The following KYNU variants were observed in gnomAD, a reference collection of about 807,000 sequenced individuals.
The protein encoded by KYNU is L-kynurenine hydrolase.
KYNU carries 54 observed loss-of-function variants against 59.2 expected under a neutral mutation model. That is an observed-to-expected ratio of 0.91 (90% CI 0.73 to 1.14). KYNU has a LOEUF of 1.14. Among genes scored for constraint, KYNU ranks in the 50% most tolerant of loss-of-function variants. The pLI is 0.00. For synonymous variants in KYNU, 177 were observed against 192.0 expected (o/e 0.92, Z 0.65); for missense variants, 567 against 554.4 (o/e 1.02, Z -0.23).
intron 12 of KYNU, among the ~76,000 whole-genome samples, chr2:143,038,348 T>C (rs775672370): frequency 5.9e-5 from 9 of 152,176 alleles, no homozygotes; most frequent in Admixed American, 2.0e-4. Flanking sequence ...GCCCGTGCCT[T>C]GCCTGTCCCT....
intron 4 of KYNU, among the ~76,000 whole-genome samples, chr2:142,948,553 A>G (rs1683876361): frequency 6.6e-6 from 1 of 152,196 alleles, no homozygotes; most frequent in South Asian, 2.1e-4. Flanking sequence ...GTCACATCTT[A>G]TGTGGATGGC....
intron 8 of KYNU, among the ~76,000 whole-genome samples, chr2:142,964,100 C>T (rs574709339): frequency 6.7e-6 from 1 of 150,238 alleles, no homozygotes; most frequent in East Asian, 1.9e-4. Flanking sequence ...TCATGCAGTA[C>T]CTAGCAGTAC....
At position 143,052,266 on chromosome 2, in the gene KYNU, T is replaced by TA. The variant is rs1301427034; in HGVS notation, c.*10095dup. The stretch of plus-strand genomic sequence containing the variant: ...AAGGCATTCAGTTTTAAAAGGGAAA[T>TA]ACAGCATAAAAGTTCAGAAAATTTT... On this transcript the variant is annotated 3_prime_UTR_variant, in exon 14 of 14. Coordinates refer to ENST00000264170, the MANE Select transcript of KYNU (RefSeq NM_003937.3). 2 of 152,070 alleles carry TA rather than the reference T, an allele frequency of 1.3e-5. No individual in the cohort carries two copies. Among genetic ancestry groups the TA allele is most frequent in the Non-Finnish European group, 2.9e-5 (2 of 67,998 alleles). 9.4% of individuals were successfully genotyped at this position (152,070 alleles called of 1,614,324 possible).
chr2:143,038,039 A>T (rs1165900069), intron 12 of KYNU, among the ~76,000 whole-genome samples: 1 of 152,172 alleles, frequency 6.6e-6, no homozygotes, highest in Non-Finnish European at 1.5e-5. Context: ...ATTGGTTTCT[A>T]GTTATCAAGA....
At chr2:142,933,434 G>C (rs935193649) in intron 4 of KYNU, among the ~76,000 whole-genome samples, 1 of 152,126 alleles carries the variant, frequency 6.6e-6, no homozygotes, top group African/African-American at 2.4e-5. Context: ...TGGTATAATG[G>C]TTTGGCAAGT....
intron 10 of KYNU, among the ~76,000 whole-genome samples, chr2:143,007,338 G>A (rs940112324): frequency 1.3e-5 from 2 of 150,562 alleles, no homozygotes; most frequent in Non-Finnish European, 2.9e-5. Flanking sequence ...GAAATGAAAT[G>A]AGAAGGGAAG....
chr2:142,994,366 G>A (rs572483238), intron 10 of KYNU, among the ~76,000 whole-genome samples: 4 of 152,168 alleles, frequency 2.6e-5, no homozygotes, highest in East Asian at 1.9e-4. Context: ...TAAACCACGT[G>A]ATCCATATTC....
At chr2:142,920,075 T>G (rs183890360) in intron 3 of KYNU, among the ~76,000 whole-genome samples, 1 of 152,160 alleles carries the variant, frequency 6.6e-6, no homozygotes, top group East Asian at 1.9e-4. Flanking sequence ...AATAAATAAA[T>G]AAATAATGTT....
rs970521844 is a variant in KYNU at position 143,050,036 on chromosome 2, T to C, written c.*7864T>C. 6.8e-6 allele frequency: 1 copy of C among 147,914 alleles called. No individual in the cohort carries two copies. Among genetic ancestry groups the C allele is most frequent in the African/African-American group, 2.4e-5 (1 of 40,848 alleles). The allele number at this position is 147,914 out of a possible 1,614,324, so 9.2% of individuals were successfully genotyped here. ...TATATAATATATAAACATATATTTA[T>C]ATAAAATAAAAACATATAAAATATG... On this transcript the variant is annotated 3_prime_UTR_variant, in exon 14 of 14. Coordinates refer to ENST00000264170, the MANE Select transcript of KYNU (RefSeq NM_003937.3).
chr2:142,986,019 T>G lies in KYNU; in HGVS notation c.900T>G (p.Pro300=). ...AAAAGCATGCCCATACGATTAAACC[T>G]GCGTGAGTACCATCTTCAGCTAATT... ...IHEKHAHTIK[P]ALVGWFGHEL... Residue 300 remains proline (P), a splice_region_variant and synonymous_variant, in exon 10 of 14, where the codon CCT becomes CCG. Coordinates refer to ENST00000264170, the MANE Select transcript of KYNU (RefSeq NM_003937.3). 1 of 1,605,732 alleles carries G rather than the reference T, an allele frequency of 6.2e-7. No individual in the cohort carries two copies. The highest frequency in any genetic ancestry group is 8.5e-7 in the Non-Finnish European group (1 of 1,173,106).
At chr2:142,936,020 G>A (rs71423225) in intron 4 of KYNU, among the ~76,000 whole-genome samples, 3,066 of 152,248 alleles carry the variant, frequency 0.02, 54 homozygotes, top group African/African-American at 0.051. Context: ...GACAACGAAC[G>A]GGTTAAAGAA....
At chr2:142,994,718 G>T (rs1432755850) in intron 10 of KYNU, among the ~76,000 whole-genome samples, 1 of 151,994 alleles carries the variant, frequency 6.6e-6, no homozygotes, top group Non-Finnish European at 1.5e-5. Context: ...CTGGGACATT[G>T]TCCTGTTAAT....
chr2:142,925,395 T>C (rs1683017477), intron 3 of KYNU, among the ~76,000 whole-genome samples: 1 of 152,204 alleles, frequency 6.6e-6, no homozygotes. Context: ...TATATGGTAA[T>C]AGAAATGTTA....
rs1421306664 is a variant in KYNU, at chr2:142,881,914, TTC to T, written c.-19-3433_-19-3432del. ...GCACACCTGGCTTTTCTTTTCTTTT[TTC>T]TTTTTTTTTTTTTTTTTTTGTAGAG... On this transcript the variant is annotated intron_variant, in intron 1 of 13. Transcript: ENST00000264170. Among the ~76,000 whole-genome samples the T allele has an allele frequency of 8.2e-5, 11 of 133,504 alleles. 1 individual carries two copies. Among genetic ancestry groups the T allele is most frequent in the Middle Eastern group, 3.7e-3 (1 of 272 alleles). 87.6% of individuals were successfully genotyped at this position (133,504 alleles called of 152,430 possible).
At chr2:142,936,352 T>TA (rs374616957) in intron 4 of KYNU, among the ~76,000 whole-genome samples, 34 of 152,216 alleles carry the variant, frequency 2.2e-4, no homozygotes, top group East Asian at 9.7e-4. Flanking sequence ...GGCTATATTG[T>TA]AAAAAAAGAC....
chr2:142,929,022 A>AC (rs1253950576), intron 4 of KYNU, among the ~76,000 whole-genome samples: 4 of 146,924 alleles, frequency 2.7e-5, no homozygotes, highest in African/African-American at 7.9e-5. Context: ...AAAAAAAAAA[A>AC]AAACAAAAAA....
At chr2:142,964,557 C>T (rs552322543) in intron 8 of KYNU, 7 of 152,204 alleles carry the variant, frequency 4.6e-5, no homozygotes, top group Admixed American at 3.3e-4. Flanking sequence ...CTTCCAAATA[C>T]TTGTTGATTT....
intron 2 of KYNU, among the ~76,000 whole-genome samples, chr2:142,895,711 G>C (rs1325047783): frequency 6.6e-6 from 1 of 151,740 alleles, no homozygotes; most frequent in African/African-American, 2.4e-5. Flanking sequence ...TTTAGAAAAG[G>C]TCTTGCCCTG....
intron 10 of KYNU, among the ~76,000 whole-genome samples, chr2:142,994,919 T>C (rs1370840288): frequency 6.6e-6 from 1 of 152,110 alleles, no homozygotes; most frequent in African/African-American, 2.4e-5. Flanking sequence ...AATATGCATT[T>C]CCATATGCTT....
Sources: gnomAD v4.1 joint callset for allele counts (sites outside exome capture counted in the v4.1 genomes callset) on GRCh38, gnomAD v4.1.1 for gene constraint, MANE v1.5 for transcripts, NCBI Gene and HGNC (gene_info 2026-07-23, HGNC 2026-07-21) for gene names.